BOLL: variants seen among roughly 807,000 people sequenced by gnomAD.
BOLL encodes boule RNA binding protein.
In BOLL, 23 loss-of-function variants were observed where a neutral mutation model predicts 44.4. The ratio of observed to expected loss-of-function variants is 0.52; its 90% CI spans 0.37 to 0.73. The LOEUF is 0.73. Among genes scored for constraint, BOLL ranks in the 30% least tolerant of loss-of-function variants. The pLI is 0.00. For missense variants in BOLL, 287 were observed against 338.3 expected, an observed-to-expected ratio of 0.85 and a Z score of 1.19; for synonymous variants, 97 against 110.8, an observed-to-expected ratio of 0.88 and a Z score of 0.78.
intron 3 of BOLL, among the ~76,000 whole-genome samples, chr2:197,778,074 T>A (rs1324878151): frequency 6.6e-6 from 1 of 151,956 alleles, no homozygotes; most frequent in Non-Finnish European, 1.5e-5. Flanking sequence ...AAAAATGGTA[T>A]TACCAAAACA....
rs974878448 is a variant in BOLL at position 197,745,471 on chromosome 2, A to G, written c.730-2312T>C. Among the ~76,000 whole-genome samples the G allele has an allele frequency of 3.3e-5, 5 of 152,320 alleles. No individual in the cohort carries two copies. In the East Asian group the frequency reaches 9.6e-4, roughly 29 times the overall value. On this transcript the variant is annotated intron_variant, in intron 9 of 10. Transcript: ENST00000392296. ...TAAGATAATGATGGGCAATATTTTC[A>G]GAAAAGCTTTATTAGATTCCATTAA...
intron 5 of BOLL, chr2:197,774,876 C>A (rs980719042): frequency 2.0e-5 from 3 of 151,780 alleles, no homozygotes; most frequent in African/African-American, 7.3e-5. Flanking sequence ...TCTATTATTT[C>A]TAAGTCAAAA....
At chr2:197,740,065 T>C (rs1008504831) in intron 10 of BOLL, among the ~76,000 whole-genome samples, 1 of 152,230 alleles carries the variant, frequency 6.6e-6, no homozygotes, top group African/African-American at 2.4e-5. Context: ...AGTAACACTA[T>C]AGGTTTTGAC....
Position 197,759,031 on chromosome 2 carries a change from T to C in BOLL, c.553-1631A>G, listed in dbSNP as rs911596958. Reference sequence around the variant, plus strand: ...CCCTCGTAAAAAAAGAGAGGCATGATGTCAGCAAGATGGCTGACCAGAGAT... The same window carrying C: ...CCCTCGTAAAAAAAGAGAGGCATGACGTCAGCAAGATGGCTGACCAGAGAT... On this transcript the variant is annotated intron_variant, in intron 7 of 10. Transcript: ENST00000392296. 3.3e-6 allele frequency: 5 copies of C among 1,525,706 alleles called. No homozygotes were observed. In the African/African-American group the frequency reaches 6.9e-5, roughly 21 times the overall value. 94.5% of individuals were successfully genotyped at this position (1,525,706 alleles called of 1,614,324 possible).
At chr2:197,775,790 A>G (rs766194638) in intron 4 of BOLL, 50 bp from the exon 5 acceptor site, 1 of 1,114,340 alleles carries the variant, frequency 9.0e-7, no homozygotes, top group South Asian at 1.7e-5. Flanking sequence ...ACTATTATTT[A>G]TAAAATCAAT....
chr2:197,784,387 AATACATATATATATATATATATAT>A (rs1258398889), intron 1 of BOLL, among the ~76,000 whole-genome samples: 2 of 94,450 alleles, frequency 2.1e-5, no homozygotes, highest in African/African-American at 9.4e-5. Context: ...ACAGCAGTCT[AATACATATATATATATATATATAT>A]ATATATATAT....
intron 5 of BOLL, chr2:197,774,000 C>A: frequency 2.2e-6 from 1 of 456,360 alleles, no homozygotes; most frequent in South Asian, 1.6e-5. Flanking sequence ...CTTTTAACAC[C>A]TATTTTTCTT....
At chr2:197,770,118 A>C (rs1272479881) in intron 6 of BOLL, among the ~76,000 whole-genome samples, 1 of 152,214 alleles carries the variant, frequency 6.6e-6, no homozygotes, top group Non-Finnish European at 1.5e-5. Context: ...AGGCTACAGT[A>C]ACCAAAACAG....
chr2:197,775,612 CA>C, intron 5 of BOLL, 52 bp downstream of exon 5: 5 of 1,167,948 alleles, frequency 4.3e-6, no homozygotes, highest in South Asian at 1.6e-5. Context: ...TCTTATATTT[CA>C]AAAAAGAACC....
rs1412243677 is a variant in BOLL, at chr2:197,749,944, A to G, written c.729+6484T>C. 2.6e-5 allele frequency among the ~76,000 whole-genome samples: 4 copies of G among 152,098 alleles called. No homozygotes were observed. In the East Asian group the frequency reaches 7.7e-4, roughly 29 times the overall value. On this transcript the variant is annotated intron_variant, in intron 9 of 10. Transcript: ENST00000392296. The stretch of plus-strand genomic sequence containing the variant: ...GGGAAGCCCACCAAACTAACAGCAG[A>G]TCTCTCTGCAGAAACCTTACAAGCC...
chr2:197,738,585 A>C (rs1048232490), intron 10 of BOLL, among the ~76,000 whole-genome samples: 2 of 152,234 alleles, frequency 1.3e-5, no homozygotes, highest in African/African-American at 4.8e-5. Flanking sequence ...CTTGTGCTTC[A>C]AACTCTGCAT....
Position 197,756,500 on chromosome 2 carries a change from T to C in BOLL, c.657A>G (p.Gln219=), listed in dbSNP as rs1688521630. ...CACCATCCTGTGCAATTTCCACTGG[T>C]TGATAAATAACCTCAGAAGGTTGCA... is the stretch of plus-strand genomic sequence containing the variant. ...LYLQPSEVIY[Q]PVEIAQDGGC... The change falls in exon 9 of 11, where the codon CAA becomes CAG. Residue 219 remains glutamine (Q), a synonymous_variant. Transcript: ENST00000392296. 6.2e-7 allele frequency: 1 copy of C among 1,612,790 alleles called. No individual in the cohort carries two copies. Among genetic ancestry groups the C allele is most frequent in the South Asian group, 1.1e-5 (1 of 90,980 alleles).
chr2:197,743,166 CA>C lies in BOLL; in HGVS notation c.730-8del. Reference sequence around the variant, plus strand: ...CTCCATGATCAGAATAAGGCTATTACAAAAAAAGAGAGAAAAAATGTCACCT... The same window carrying C: ...CTCCATGATCAGAATAAGGCTATTACAAAAAAGAGAGAAAAAATGTCACCT... On this transcript the variant is annotated splice_region_variant and splice_polypyrimidine_tract_variant and intron_variant, in intron 9 of 10. Coordinates refer to ENST00000392296, the MANE Select transcript of BOLL (RefSeq NM_033030.6). 14 of 1,557,402 alleles carry C rather than the reference CA, an allele frequency of 9.0e-6. No homozygotes were observed. Among genetic ancestry groups the C allele is most frequent in the South Asian group, 3.6e-5 (3 of 82,422 alleles).
chr2:197,777,030 A>G (rs752969093), intron 4 of BOLL, 29 bp downstream of exon 4: 1 of 1,502,520 alleles, frequency 6.7e-7, no homozygotes, highest in Non-Finnish European at 9.1e-7. Context: ...ATTTCCAGAA[A>G]TGAAGTTAAA....
rs553458270 is a variant in BOLL, at chr2:197,729,435, G to A, written c.829-857C>T. ...GCTTGATTAGGTAAACAAAGCAGCTGGGAAGCTCCAACTGGGTGGAGCCCA... is the reference window on the plus strand; with the variant it reads ...GCTTGATTAGGTAAACAAAGCAGCTAGGAAGCTCCAACTGGGTGGAGCCCA... On this transcript the variant is annotated intron_variant, in intron 10 of 10. Coordinates refer to ENST00000392296, the MANE Select transcript of BOLL (RefSeq NM_033030.6). Among the ~76,000 whole-genome samples the A allele has an allele frequency of 4.7e-3, 721 of 152,292 alleles. 6 individuals carry two copies. The highest frequency in any genetic ancestry group is 8.1e-3 in the South Asian group (39 of 4,834).
chr2:197,786,049 A>C, upstream of BOLL: 1 of 1,602,074 alleles, frequency 6.2e-7, no homozygotes, highest in South Asian at 1.1e-5. This position sits in a 1 kb window ranked among gnomAD's most constrained non-coding sequence, Gnocchi z 5.9. Context: ...AAAGAAGCCT[A>C]AAGTTTGAAA....
chr2:197,768,428 C>G (rs1689092887), intron 6 of BOLL, among the ~76,000 whole-genome samples: 1 of 151,710 alleles, frequency 6.6e-6, no homozygotes, highest in Non-Finnish European at 1.5e-5. Flanking sequence ...ATGAGAGACT[C>G]CTGAAGATGA....
In BOLL at chr2:197,758,257, C is replaced by T. The variant is rs963382663; in HGVS notation, c.553-857G>A. ...AAAAAGTAGAAACAACTCAAGTGTCCATCATCTGATGAATGGATAAACAGA... is the reference window on the plus strand; with the variant it reads ...AAAAAGTAGAAACAACTCAAGTGTCTATCATCTGATGAATGGATAAACAGA... On this transcript the variant is annotated intron_variant, in intron 7 of 10. Transcript: ENST00000392296. Among the ~76,000 whole-genome samples the T allele has an allele frequency of 6.6e-5, 10 of 152,250 alleles. 1 individual carries two copies. In the Middle Eastern group the frequency reaches 0.01, roughly 155 times the overall value.
chr2:197,738,578 G>T (rs1687599596), intron 10 of BOLL, among the ~76,000 whole-genome samples: 2 of 152,158 alleles, frequency 1.3e-5, no homozygotes, highest in African/African-American at 2.4e-5. Context: ...AGTTAGACTT[G>T]TGCTTCAAAC....
Sources: gnomAD v4.1 joint callset for allele counts (sites outside exome capture counted in the v4.1 genomes callset) on GRCh38, gnomAD v4.1.1 for gene constraint, Gnocchi (gnomAD v3.1) non-coding constraint, MANE v1.5 for transcripts, NCBI Gene and HGNC (gene_info 2026-07-23, HGNC 2026-07-21) for gene names.